The following STXBP5L variants were observed in gnomAD, a reference collection of about 807,000 sequenced individuals.
STXBP5L encodes syntaxin-binding protein 5-like.
STXBP5L carries 65 observed loss-of-function variants against 144.5 expected under a neutral mutation model. The observed-to-expected ratio is 0.45, with a 90% CI of 0.37 to 0.55. The LOEUF (loss-of-function observed/expected upper bound fraction) is 0.55, where lower values mean the gene tolerates loss of function less well. Ranked by LOEUF, STXBP5L falls within the 20% of genes least tolerant of loss-of-function variation. STXBP5L has a pLI of 0.00. For synonymous variants in STXBP5L, 505 were observed against 469.6 expected (o/e 1.08, Z -0.97); for missense variants, 1,298 against 1,405.5 (o/e 0.92, Z 1.22).
intron 9 of STXBP5L, among the ~76,000 whole-genome samples, chr3:121,172,095 A>G (rs2046744258): frequency 6.6e-6 from 1 of 151,350 alleles, no homozygotes; most frequent in Non-Finnish European, 1.5e-5. Flanking sequence ...AAAACAAGCA[A>G]TGGGGAAAAA....
intron 9 of STXBP5L, among the ~76,000 whole-genome samples, chr3:121,170,163 A>G (rs933260860): frequency 5.9e-5 from 9 of 152,178 alleles, no homozygotes; most frequent in Non-Finnish European, 5.9e-5. Flanking sequence ...CAAAGACACA[A>G]CATAGCAGAA....
intron 10 of STXBP5L, among the ~76,000 whole-genome samples, chr3:121,212,233 T>C (rs991562383): frequency 6.6e-6 from 1 of 152,234 alleles, no homozygotes; most frequent in Admixed American, 6.5e-5. Context: ...ATCCCATTTG[T>C]TAATTTTGCC....
chr3:120,969,951 C>A (rs1278560971), intron 3 of STXBP5L, among the ~76,000 whole-genome samples: 1 of 151,848 alleles, frequency 6.6e-6, no homozygotes, highest in African/African-American at 2.4e-5. Context: ...TATTTTTAGT[C>A]TATTACAGGT....
intron 18 of STXBP5L, among the ~76,000 whole-genome samples, chr3:121,259,735 A>G (rs1284368937): frequency 6.6e-6 from 1 of 150,994 alleles, no homozygotes; most frequent in Non-Finnish European, 1.5e-5. Context: ...AGTCTATTAC[A>G]TTTCTTAGTT....
At chr3:121,025,093 A>C (rs1795413) in intron 3 of STXBP5L, among the ~76,000 whole-genome samples, 56,955 of 151,954 alleles carry the variant, frequency 0.37, 10,873 homozygotes, top group Non-Finnish European at 0.4. Flanking sequence ...AAAGTAATTT[A>C]TGACTCTTAG....
chr3:121,261,007 G>C (rs2050365625), intron 18 of STXBP5L, among the ~76,000 whole-genome samples: 1 of 152,136 alleles, frequency 6.6e-6, no homozygotes, highest in Non-Finnish European at 1.5e-5. Context: ...AAGAATATAT[G>C]ATTATTCTCT....
intron 3 of STXBP5L, among the ~76,000 whole-genome samples, chr3:121,014,323 A>T (rs1387278318): frequency 6.6e-6 from 1 of 151,828 alleles, no homozygotes; most frequent in African/African-American, 2.4e-5. Context: ...CTCTTACATC[A>T]ACATCCACCG....
intron 22 of STXBP5L, among the ~76,000 whole-genome samples, chr3:121,398,469 C>T (rs1285685512): frequency 6.6e-6 from 1 of 152,250 alleles, no homozygotes; most frequent in Non-Finnish European, 1.5e-5. Context: ...CCCCTCATGG[C>T]TTTTCCCAAA....
chr3:121,303,033 G>T (rs1282202529), intron 19 of STXBP5L, among the ~76,000 whole-genome samples: 1 of 152,184 alleles, frequency 6.6e-6, no homozygotes, highest in Non-Finnish European at 1.5e-5. Flanking sequence ...TGATAAATGG[G>T]ATCTAATTAA....
At chr3:121,239,633 T>C (rs1223527915) in intron 13 of STXBP5L, among the ~76,000 whole-genome samples, 1 of 142,014 alleles carries the variant, frequency 7.0e-6, no homozygotes, top group Admixed American at 7.6e-5. Context: ...CCTCATATTC[T>C]CACTCATAGG....
chr3:121,100,387 C>T (rs2043355302), intron 5 of STXBP5L, among the ~76,000 whole-genome samples: 1 of 152,106 alleles, frequency 6.6e-6, no homozygotes, highest in Admixed American at 6.6e-5. Flanking sequence ...AAACTGAAAT[C>T]ATATCAAACA....
chr3:121,078,276 T>A (rs2042105716), intron 5 of STXBP5L, among the ~76,000 whole-genome samples: 1 of 151,078 alleles, frequency 6.6e-6, no homozygotes, highest in African/African-American at 2.4e-5. Flanking sequence ...GTTCTCCAAG[T>A]CCACACCAGA....
chr3:121,369,007 T>A (rs2045949154), intron 20 of STXBP5L, among the ~76,000 whole-genome samples: 1 of 152,136 alleles, frequency 6.6e-6, no homozygotes, highest in East Asian at 1.9e-4. Flanking sequence ...GAAGCAGTCA[T>A]CAATGATCAG....
At chr3:121,370,417 T>A (rs2045996310) in intron 20 of STXBP5L, among the ~76,000 whole-genome samples, 1 of 152,182 alleles carries the variant, frequency 6.6e-6, no homozygotes, top group South Asian at 2.1e-4. Flanking sequence ...AAGATGTGAC[T>A]GCTTCCCCTT....
intron 3 of STXBP5L, among the ~76,000 whole-genome samples, chr3:121,026,855 A>G (rs1324512140): frequency 6.6e-6 from 1 of 151,492 alleles, no homozygotes; most frequent in Non-Finnish European, 1.5e-5. Context: ...ATTAAAAAAT[A>G]TATATATATA....
intron 3 of STXBP5L, among the ~76,000 whole-genome samples, chr3:121,021,756 A>T (rs1377087552): frequency 6.6e-6 from 1 of 152,198 alleles, no homozygotes; most frequent in Non-Finnish European, 1.5e-5. Flanking sequence ...CCTGGAATAC[A>T]GCAAAGCTGA....
At chr3:121,210,228 T>A (rs1338119048) in intron 10 of STXBP5L, among the ~76,000 whole-genome samples, 2 of 152,244 alleles carry the variant, frequency 1.3e-5, no homozygotes, top group South Asian at 2.1e-4. Flanking sequence ...TGCATAAATG[T>A]CTTCTTTTGA....
At chr3:121,256,651 A>G (rs1181095941) in intron 16 of STXBP5L, among the ~76,000 whole-genome samples, 2 of 151,972 alleles carry the variant, frequency 1.3e-5, no homozygotes, top group African/African-American at 4.8e-5. Context: ...AAATGCAATG[A>G]AAGTTTTTTA....
chr3:121,076,209 T>C (rs2331528), intron 5 of STXBP5L, among the ~76,000 whole-genome samples: 77,678 of 152,044 alleles, frequency 0.51, 20,312 homozygotes, highest in Admixed American at 0.6. Context: ...CCTCATCCCC[T>C]TGGAGTTCCT....
Sources: gnomAD v4.1 joint callset for allele counts (sites outside exome capture counted in the v4.1 genomes callset) on GRCh38, gnomAD v4.1.1 for gene constraint, MANE v1.5 for transcripts, NCBI Gene and HGNC (gene_info 2026-07-23, HGNC 2026-07-21) for gene names.